The following SCHIP1 variants were observed in gnomAD, a reference collection of about 807,000 sequenced individuals.
The protein encoded by SCHIP1 is schwannomin interacting protein 1, also known as schwannomin-interacting protein 1.
A neutral mutation model predicts 29.7 loss-of-function variants in SCHIP1; 8 were observed. The ratio of observed to expected loss-of-function variants is 0.27; its 90% CI spans 0.16 to 0.49. The LOEUF is 0.49. Among genes scored for constraint, SCHIP1 ranks in the 20% least tolerant of loss-of-function variants. The pLI is 0.99. For synonymous variants in SCHIP1, 76 were observed against 94.9 expected (o/e 0.80, Z 1.16); for missense variants, 193 against 294.6 (o/e 0.66, Z 2.52).
the SCHIP1 span, among the ~76,000 whole-genome samples, chr3:159,396,449 C>T: frequency 3.5e-4 from 51 of 147,150 alleles, no homozygotes; most frequent in South Asian, 6.7e-4. Flanking sequence ...GATTTTGCAG[C>T]GGCTGGTACC....
At chr3:159,442,130 T>C in the SCHIP1 span, among the ~76,000 whole-genome samples, 1 of 152,140 alleles carries the variant, frequency 6.6e-6, no homozygotes, top group East Asian at 1.9e-4. Context: ...AAACTGAGAC[T>C]GTAAATGGGT....
chr3:159,800,970 T>TG, the SCHIP1 span, among the ~76,000 whole-genome samples: 1 of 151,724 alleles, frequency 6.6e-6, no homozygotes, highest in South Asian at 2.1e-4. Flanking sequence ...AAGTCTGTTT[T>TG]TTTTTTTTTT....
chr3:159,818,077 G>T, the SCHIP1 span, among the ~76,000 whole-genome samples: 1 of 152,190 alleles, frequency 6.6e-6, no homozygotes, highest in Non-Finnish European at 1.5e-5. Context: ...ATCAGCCAAG[G>T]AGTGTTCACA....
chr3:159,351,651 G>T, the SCHIP1 span, among the ~76,000 whole-genome samples: 18 of 152,106 alleles, frequency 1.2e-4, no homozygotes, highest in African/African-American at 3.9e-4. Context: ...GTAAGTACAA[G>T]ATCAAATTGC....
Position 159,851,715 on chromosome 3 carries a change from C to T in SCHIP1, c.30+11501C>T, listed in dbSNP as rs576520200. 8.5e-5 allele frequency among the ~76,000 whole-genome samples: 13 copies of T among 152,304 alleles called. No homozygotes were observed. The South Asian group carries it at 1.9e-3, about 22-fold the overall frequency. On this transcript the variant is annotated intron_variant, in intron 1 of 6. Transcript: ENST00000445224. ...TTCTCCTGTATTTTGAGCACCTGCACGGGGCACTGGGAGCAGCAGTCTGTG... is the reference window on the plus strand; with the variant it reads ...TTCTCCTGTATTTTGAGCACCTGCATGGGGCACTGGGAGCAGCAGTCTGTG...
At chr3:159,280,591 G>T in the SCHIP1 span, among the ~76,000 whole-genome samples, 1 of 152,114 alleles carries the variant, frequency 6.6e-6, no homozygotes, top group African/African-American at 2.4e-5. Flanking sequence ...CGAGATATTT[G>T]GAACACAGGG....
the SCHIP1 span, among the ~76,000 whole-genome samples, chr3:159,698,526 G>A: frequency 8.5e-5 from 13 of 152,194 alleles, no homozygotes; most frequent in South Asian, 2.1e-4. Context: ...ACATGGGTTC[G>A]CATTGCAATG....
chr3:159,888,799 T>C, intron 4 of SCHIP1, 21 bp from the exon 6 acceptor site: 1 of 1,612,786 alleles, frequency 6.2e-7, no homozygotes, highest in South Asian at 1.1e-5. Flanking sequence ...CTCCTCCATT[T>C]CTTCTCCTTT....
the SCHIP1 span, among the ~76,000 whole-genome samples, chr3:159,828,762 T>A: frequency 1.3e-5 from 2 of 152,140 alleles, no homozygotes; most frequent in Non-Finnish European, 2.9e-5. Flanking sequence ...ATGTACTGCT[T>A]TAGCAAAATG....
At chr3:159,531,117 G>A in the SCHIP1 span, among the ~76,000 whole-genome samples, 1 of 152,116 alleles carries the variant, frequency 6.6e-6, no homozygotes, top group Non-Finnish European at 1.5e-5. Context: ...AATGGAGGTT[G>A]GATATTTTTT....
At chr3:159,610,005 A>G in the SCHIP1 span, among the ~76,000 whole-genome samples, 1 of 152,164 alleles carries the variant, frequency 6.6e-6, no homozygotes, top group Admixed American at 6.5e-5. Context: ...CACATACTAT[A>G]CTAAGCATTA....
the SCHIP1 span, among the ~76,000 whole-genome samples, chr3:159,690,220 T>C: frequency 2.0e-5 from 3 of 152,328 alleles, no homozygotes; most frequent in South Asian, 4.1e-4. Flanking sequence ...TGAATCTGTA[T>C]GGTCCTGGAC....
chr3:159,276,783 C>T, the SCHIP1 span, among the ~76,000 whole-genome samples: 2 of 152,166 alleles, frequency 1.3e-5, no homozygotes, highest in African/African-American at 4.8e-5. Flanking sequence ...GCTTTTCTCA[C>T]TTTGACTAAT....
the SCHIP1 span, among the ~76,000 whole-genome samples, chr3:159,468,756 A>AATATATATATAT: frequency 1.9e-4 from 23 of 123,842 alleles, 1 homozygote; most frequent in African/African-American, 6.8e-4. Context: ...TATATAATAT[A>AATATATATATAT]ATATATATAT....
At chr3:159,596,731 T>C in the SCHIP1 span, among the ~76,000 whole-genome samples, 2 of 150,348 alleles carry the variant, frequency 1.3e-5, no homozygotes, top group African/African-American at 4.9e-5. Flanking sequence ...TTCTCACTTA[T>C]AGGTGGGAAC....
chr3:159,845,372 C>T (rs1268742710), intron 1 of SCHIP1: 1 of 149,416 alleles, frequency 6.7e-6, no homozygotes, highest in Non-Finnish European at 1.5e-5. Context: ...CATTAGACGA[C>T]AAGCTTCTTC....
At chr3:159,832,796 C>T in the SCHIP1 span, among the ~76,000 whole-genome samples, 1 of 152,158 alleles carries the variant, frequency 6.6e-6, no homozygotes, top group Non-Finnish European at 1.5e-5. Context: ...ATGTGGGCTT[C>T]CTACCCTTAT....
the SCHIP1 span, among the ~76,000 whole-genome samples, chr3:159,665,881 G>C: frequency 6.6e-6 from 1 of 152,204 alleles, no homozygotes; most frequent in South Asian, 2.1e-4. Context: ...AAATGCAGGA[G>C]AGGTTTTCAG....
the SCHIP1 span, among the ~76,000 whole-genome samples, chr3:159,552,121 C>T: frequency 4.0e-5 from 6 of 150,568 alleles, no homozygotes; most frequent in Non-Finnish European, 7.4e-5. Flanking sequence ...TCACTGCAGC[C>T]TCCGCCTCCC....
Sources: gnomAD v4.1 joint callset for allele counts (sites outside exome capture counted in the v4.1 genomes callset) on GRCh38, gnomAD v4.1.1 for gene constraint, MANE v1.5 for transcripts, NCBI Gene and HGNC (gene_info 2026-07-23, HGNC 2026-07-21) for gene names.